RBFOX1: variants seen among roughly 807,000 people sequenced by gnomAD.
RBFOX1 encodes the protein RNA binding fox-1 homolog 1.
In RBFOX1, 8 loss-of-function variants were observed where a neutral mutation model predicts 57.7. That is an observed-to-expected ratio of 0.14 (90% CI 0.08 to 0.25). RBFOX1 has a LOEUF of 0.25. Ranked by LOEUF, RBFOX1 falls within the 10% of genes least tolerant of loss-of-function variation. The pLI, the probability that RBFOX1 is intolerant of heterozygous loss-of-function variation, is 1.00. For missense variants in RBFOX1, 611 were observed against 548.5 expected, an observed-to-expected ratio of 1.11 and a Z score of -1.14; for synonymous variants, 326 against 222.4, an observed-to-expected ratio of 1.47 and a Z score of -4.15.
At chr16:6,635,290 C>A (rs1183770853) in intron 2 of RBFOX1, among the ~76,000 whole-genome samples, 6 of 151,502 alleles carry the variant, frequency 4.0e-5, no homozygotes, top group African/African-American at 1.5e-4. Flanking sequence ...TTGTTGTTAA[C>A]CTTGTCTCTG....
intron 4 of RBFOX1, among the ~76,000 whole-genome samples, chr16:7,217,090 C>G (rs1161116306): frequency 7.8e-6 from 1 of 128,360 alleles, no homozygotes; most frequent in Non-Finnish European, 1.6e-5. Context: ...TCCCCTGTTT[C>G]CCTTTCCTTC....
chr16:6,285,036 G>T (rs533244096), intron 1 of RBFOX1, among the ~76,000 whole-genome samples: 29 of 152,260 alleles, frequency 1.9e-4, no homozygotes, highest in South Asian at 1.5e-3. Context: ...GTCTTAAACC[G>T]AGAGAGGCAA....
At chr16:7,239,471 C>G (rs1271862923) in intron 4 of RBFOX1, among the ~76,000 whole-genome samples, 7 of 152,100 alleles carry the variant, frequency 4.6e-5, no homozygotes, top group Non-Finnish European at 8.8e-5. Context: ...TGCACTCCAG[C>G]CTGGGCAACA....
chr16:5,984,940 A>C (rs1443063577), intron 4 of RBFOX1, among the ~76,000 whole-genome samples: 9 of 130,522 alleles, frequency 6.9e-5, no homozygotes, highest in Non-Finnish European at 1.4e-4. Flanking sequence ...GTATAGGGCA[A>C]CTCCATTATA....
chr16:7,199,363 G>A (rs754283591), intron 4 of RBFOX1, among the ~76,000 whole-genome samples: 34 of 152,090 alleles, frequency 2.2e-4, no homozygotes, highest in Non-Finnish European at 2.9e-4. Flanking sequence ...AAATCGAATG[G>A]TAATCATTTA....
rs541534557 is a variant in RBFOX1, at chr16:6,591,751, A to G, written c.-63-62852A>G. On this transcript the variant is annotated intron_variant, in intron 2 of 15. Transcript: ENST00000550418. ...TATTTAATTGGAAAATTGCCCAGAA[A>G]GCAGAGTCTGCATTTGTAAATGAAG... 1.2e-4 allele frequency among the ~76,000 whole-genome samples: 18 copies of G among 152,344 alleles called. No individual in the cohort carries two copies. The South Asian group carries it at 1.9e-3, about 16-fold the overall frequency.
At chr16:7,419,925 C>CTTTTTTTTTTTTT (rs367626244) in intron 4 of RBFOX1, among the ~76,000 whole-genome samples, 4 of 101,730 alleles carry the variant, frequency 3.9e-5, no homozygotes, top group African/African-American at 1.3e-4. Flanking sequence ...TTCTTTCTTC[C>CTTTTTTTTTTTTT]TTTTTTTTTT....
chr16:6,901,158 C>T (rs181865569), intron 3 of RBFOX1, among the ~76,000 whole-genome samples: 4 of 152,226 alleles, frequency 2.6e-5, no homozygotes, highest in African/African-American at 2.4e-5. Flanking sequence ...TTTCATGTCT[C>T]CCATCCTAGT....
intron 1 of RBFOX1, among the ~76,000 whole-genome samples, chr16:5,295,192 A>T (rs1056054114): frequency 6.6e-6 from 1 of 151,994 alleles, no homozygotes; most frequent in Admixed American, 6.6e-5. Flanking sequence ...GAAGAGAACA[A>T]ACATCACAGC....
At chr16:5,502,635 G>C (rs1404343225) in intron 2 of RBFOX1, among the ~76,000 whole-genome samples, 2 of 152,196 alleles carry the variant, frequency 1.3e-5, no homozygotes, top group Non-Finnish European at 2.9e-5. Context: ...TCCAGCCTCT[G>C]TTATCTCTGC....
chr16:6,933,555 A>T (rs1460507714), intron 3 of RBFOX1, among the ~76,000 whole-genome samples: 4 of 152,320 alleles, frequency 2.6e-5, no homozygotes, highest in African/African-American at 2.4e-5. Flanking sequence ...TCTACTAAAA[A>T]TGCAAAAATT....
At chr16:5,926,219 C>T (rs1274956772) in intron 4 of RBFOX1, among the ~76,000 whole-genome samples, 4 of 152,186 alleles carry the variant, frequency 2.6e-5, no homozygotes. Context: ...CGTATAATTA[C>T]CCATATGACA....
At chr16:7,247,475 C>A (rs936341567) in intron 4 of RBFOX1, among the ~76,000 whole-genome samples, 5 of 152,240 alleles carry the variant, frequency 3.3e-5, no homozygotes, top group Admixed American at 1.3e-4. Context: ...ATGTGATAGG[C>A]ACTCAGTAAA....
intron 3 of RBFOX1, among the ~76,000 whole-genome samples, chr16:6,875,860 T>G (rs1234753375): frequency 6.6e-6 from 1 of 152,032 alleles, no homozygotes; most frequent in Non-Finnish European, 1.5e-5. Context: ...TAGCCAGTCA[T>G]GGTGGTCCAT....
intron 3 of RBFOX1, among the ~76,000 whole-genome samples, chr16:6,913,759 A>T (rs2072350162): frequency 6.6e-6 from 1 of 152,136 alleles, no homozygotes; most frequent in Non-Finnish European, 1.5e-5. Flanking sequence ...CCAGCGGTTA[A>T]GTCCACTGTG....
chr16:7,561,730 AG>A (rs1483690409), intron 5 of RBFOX1, among the ~76,000 whole-genome samples: 4 of 152,354 alleles, frequency 2.6e-5, no homozygotes, highest in African/African-American at 9.6e-5. Context: ...AGGAAAACCC[AG>A]GGATGTTCAG....
At chr16:7,115,751 T>G (rs942138845) in intron 4 of RBFOX1, among the ~76,000 whole-genome samples, 1 of 152,216 alleles carries the variant, frequency 6.6e-6, no homozygotes, top group Admixed American at 6.5e-5. Flanking sequence ...CATGCTGCAT[T>G]CTTTTCATCC....
At chr16:5,268,695 G>A (rs1038060821) in intron 1 of RBFOX1, among the ~76,000 whole-genome samples, 1 of 152,206 alleles carries the variant, frequency 6.6e-6, no homozygotes, top group Non-Finnish European at 1.5e-5. Context: ...CTCCGTCTTT[G>A]TTCTTGCCAA....
rs575870205 is a variant in RBFOX1, at chr16:7,357,287, G to C, written c.28-160860G>C. Among the ~76,000 whole-genome samples the C allele has an allele frequency of 1.1e-4, 17 of 151,570 alleles. 1 individual carries two copies. Among genetic ancestry groups the C allele is most frequent in the Admixed American group, 7.2e-4 (11 of 15,238 alleles). ...AGGATATCAGTCCTGTGGGTAAGAA[G>C]GTTCTTGGTTATCATCATTATACTC... is the stretch of plus-strand genomic sequence containing the variant. On this transcript the variant is annotated intron_variant, in intron 4 of 15. Transcript: ENST00000550418.
Sources: allele counts gnomAD v4.1 joint callset (sites outside exome capture counted in the v4.1 genomes callset), GRCh38; gene constraint gnomAD v4.1.1; transcripts MANE v1.5; gene names NCBI Gene and HGNC (gene_info 2026-07-23, HGNC 2026-07-21).